The following FKBP9 variants were observed in gnomAD, a reference collection of about 807,000 sequenced individuals.
The protein encoded by FKBP9 is peptidyl-prolyl cis-trans isomerase FKBP9.
In FKBP9, 27 loss-of-function variants were observed where a neutral mutation model predicts 55.6. That is an observed-to-expected ratio of 0.49 (90% confidence interval 0.36 to 0.67). FKBP9 has a LOEUF of 0.67. Among genes scored for constraint, FKBP9 ranks in the 30% least tolerant of loss-of-function variants. The probability of loss-of-function intolerance (pLI) is 0.00; values close to 1 mark genes in which losing one functional copy is unlikely to be tolerated. For missense variants in FKBP9, 539 were observed against 742.8 expected, an observed-to-expected ratio of 0.73 and a Z score of 3.19; for synonymous variants, 267 against 296.5, an observed-to-expected ratio of 0.90 and a Z score of 1.02.
chr7:32,967,394 C>T (rs1049981999), intron 1 of FKBP9, among the ~76,000 whole-genome samples: 1 of 152,174 alleles, frequency 6.6e-6, no homozygotes, highest in African/African-American at 2.4e-5. Context: ...TTCCTTCTTC[C>T]TTGTCCGCTG....
In FKBP9 at chr7:33,002,670, G is replaced by A; in HGVS notation, c.1373-6G>A. The A allele has an allele frequency of 6.2e-7, 1 of 1,613,056 alleles. No homozygotes were observed. The highest frequency in any genetic ancestry group is 8.5e-7 in the Non-Finnish European group (1 of 1,179,542). ...ACACCGCCTCCCGCTCCTGTCACCT[G>A]GACAGATGGAGAAGTGCCCGGCAGT... On this transcript the variant is annotated splice_region_variant and splice_polypyrimidine_tract_variant and intron_variant, in intron 8 of 9. Coordinates refer to ENST00000242209, the MANE Select transcript of FKBP9 (RefSeq NM_007270.5).
At chr7:32,963,431 A>G in intron 1 of FKBP9, 1 of 407,816 alleles carries the variant, frequency 2.5e-6, no homozygotes, top group East Asian at 3.6e-5. Flanking sequence ...TCAGAGGAGT[A>G]AGGGGATTGA....
intron 6 of FKBP9, among the ~76,000 whole-genome samples, chr7:32,990,555 G>T (rs932378872): frequency 1.3e-5 from 2 of 151,906 alleles, no homozygotes; most frequent in Admixed American, 1.3e-4. Context: ...TTTATGTATA[G>T]GTTTAAAAAA....
Position 32,996,332 on chromosome 7 carries a change from G to T in FKBP9, c.1209G>T (p.Gly403=), listed in dbSNP as rs143218733. Residue 403 remains glycine, a synonymous_variant, in exon 7 of 10, where the codon GGG becomes GGT. Transcript: ENST00000242209. ...ACTACAATGCCTCACTTCTGGATGGGACCCTGCTGGACTCCACGTAAGGGC... is the reference window on the plus strand; with the variant it reads ...ACTACAATGCCTCACTTCTGGATGGTACCCTGCTGGACTCCACGTAAGGGC... The part of the protein sequence containing the change: ...KYHYNASLLD[G]TLLDSTWNLG... The T allele has an allele frequency of 5.6e-6, 9 of 1,613,312 alleles. No individual in the cohort carries two copies. The highest frequency in any genetic ancestry group is 3.3e-5 in the Admixed American group (2 of 59,958).
intron 6 of FKBP9, among the ~76,000 whole-genome samples, chr7:32,992,398 A>C (rs1313256885): frequency 6.7e-6 from 1 of 150,310 alleles, no homozygotes; most frequent in Non-Finnish European, 1.5e-5. Flanking sequence ...ATCCACCCCC[A>C]GCAGGAGCTG....
chr7:32,982,337 T>A (rs553018815), intron 5 of FKBP9, among the ~76,000 whole-genome samples: 1 of 152,278 alleles, frequency 6.6e-6, no homozygotes, highest in African/African-American at 2.4e-5. Context: ...GTGGATTTTT[T>A]AAAATGCAAG....
At chr7:32,983,276 G>A (rs1784518896) in intron 5 of FKBP9, among the ~76,000 whole-genome samples, 1 of 151,754 alleles carries the variant, frequency 6.6e-6, no homozygotes, top group African/African-American at 2.4e-5. Flanking sequence ...TGCCTGCTTC[G>A]GCCTCCCAAA....
At chr7:32,958,676 A>T (rs1783954745) in intron 1 of FKBP9, among the ~76,000 whole-genome samples, 2 of 152,084 alleles carry the variant, frequency 1.3e-5, no homozygotes, top group East Asian at 3.9e-4. Flanking sequence ...AAAACACAAC[A>T]CGACACCTCT....
chr7:32,965,297 A>C (rs1784110752), intron 1 of FKBP9, among the ~76,000 whole-genome samples: 1 of 151,698 alleles, frequency 6.6e-6, no homozygotes, highest in Non-Finnish European at 1.5e-5. Flanking sequence ...CACCTGGCTA[A>C]TTTTTGTATT....
At chr7:32,987,999 T>C (rs1199135463) in intron 5 of FKBP9, among the ~76,000 whole-genome samples, 1 of 147,420 alleles carries the variant, frequency 6.8e-6, no homozygotes, top group African/African-American at 2.5e-5. Context: ...AGCAACATAG[T>C]GGGACCCCAT....
intron 1 of FKBP9, among the ~76,000 whole-genome samples, chr7:32,963,260 G>A (rs2127976089): frequency 8.7e-6 from 1 of 115,020 alleles, no homozygotes; most frequent in African/African-American, 3.4e-5. Context: ...AGGAGGCAGG[G>A]GACCTGGCAC....
chr7:32,970,402 G>A (rs1784229060), intron 1 of FKBP9, among the ~76,000 whole-genome samples: 1 of 151,770 alleles, frequency 6.6e-6, no homozygotes, highest in African/African-American at 2.4e-5. Context: ...CACCATGTTG[G>A]CCAGGCTGGT....
At chr7:32,966,221 G>T in intron 1 of FKBP9, among the ~76,000 whole-genome samples, 1 of 147,726 alleles carries the variant, frequency 6.8e-6, no homozygotes, top group Non-Finnish European at 1.5e-5. Flanking sequence ...TAGCCATGAG[G>T]ATAGTTATTT....
At chr7:32,960,150 T>C (rs1245412377) in intron 1 of FKBP9, among the ~76,000 whole-genome samples, 1 of 148,500 alleles carries the variant, frequency 6.7e-6, no homozygotes, top group African/African-American at 2.5e-5. Flanking sequence ...TTTGCTCTTG[T>C]CACCCAGGCT....
At chr7:32,969,786 T>C (rs1290892002) in intron 1 of FKBP9, among the ~76,000 whole-genome samples, 1 of 152,034 alleles carries the variant, frequency 6.6e-6, no homozygotes, top group Non-Finnish European at 1.5e-5. Flanking sequence ...TCTGATCACC[T>C]GAGGTCAGGA....
chr7:33,000,847 C>G (rs1784916449), intron 8 of FKBP9, among the ~76,000 whole-genome samples: 1 of 152,070 alleles, frequency 6.6e-6, no homozygotes, highest in Non-Finnish European at 1.5e-5. Flanking sequence ...GTGGCACCAT[C>G]ATGGCTAACT....
rs968832061 is a variant in FKBP9 at position 32,984,058 on chromosome 7, T to C, written c.893+3505T>C. On this transcript the variant is annotated intron_variant, in intron 5 of 9. Transcript: ENST00000242209. ...GGCCCATTTAACTGTAAACCTGTTA[T>C]GTTGTTAAATACATTAGACTTCCTC... is the stretch of plus-strand genomic sequence containing the variant. Among the ~76,000 whole-genome samples, 90 of 152,336 alleles carry C rather than the reference T, an allele frequency of 5.9e-4. 1 individual carries two copies. Among genetic ancestry groups the C allele is most frequent in the African/African-American group, 1.9e-3 (81 of 41,570 alleles).
At position 33,006,306 on chromosome 7, in the gene FKBP9, C is replaced by T. The variant is rs148597903; in HGVS notation, c.*955C>T. On this transcript the variant is annotated 3_prime_UTR_variant, in exon 10 of 10. Transcript: ENST00000242209. ...CTAATTTTTGTATTTTTAGTAGAGA[C>T]GGGGTTTCACTGTGTTGGCCAGGAT... 0.043 allele frequency: 8,130 copies of T among 189,362 alleles called. 446 individuals are homozygous for T. The highest frequency in any genetic ancestry group is 0.12 in the African/African-American group (5,349 of 42,902). 11.7% of individuals were successfully genotyped at this position (189,362 alleles called of 1,614,324 possible).
chr7:33,001,811 A>C (rs1784941215), intron 8 of FKBP9: 1 of 152,152 alleles, frequency 6.6e-6, no homozygotes, highest in Non-Finnish European at 1.5e-5. Context: ...TTTACTTAAA[A>C]GTTTTACCAT....
Sources: gnomAD v4.1 joint callset for allele counts (sites outside exome capture counted in the v4.1 genomes callset) on GRCh38, gnomAD v4.1.1 for gene constraint, MANE v1.5 for transcripts, NCBI Gene and HGNC (gene_info 2026-07-23, HGNC 2026-07-21) for gene names.